SAMD12: variants seen among roughly 807,000 people sequenced by gnomAD.
SAMD12 encodes sterile alpha motif domain containing 12, also known as sterile alpha motif domain-containing protein 12.
Under a neutral mutation model 15.0 loss-of-function variants are expected in SAMD12, and 9 were observed. The observed-to-expected ratio is 0.60, with a 90% CI of 0.36 to 1.05. The LOEUF is 1.05. Ranked by LOEUF, SAMD12 falls within the 50% of genes least tolerant of loss-of-function variation. SAMD12 has a pLI of 0.01. For synonymous variants in SAMD12, 86 were observed against 90.1 expected, an observed-to-expected ratio of 0.96 and a Z score of 0.25; for missense variants, 230 against 234.2, an observed-to-expected ratio of 0.98 and a Z score of 0.12.
chr8:118,542,504 G>A (rs1029493997), intron 2 of SAMD12, among the ~76,000 whole-genome samples: 9 of 152,262 alleles, frequency 5.9e-5, no homozygotes, highest in Admixed American at 1.3e-4. Flanking sequence ...AAGGGAATGT[G>A]GTTCTAAGGG....
At chr8:118,467,308 CT>C (rs1823622139) in intron 2 of SAMD12, among the ~76,000 whole-genome samples, 1 of 152,132 alleles carries the variant, frequency 6.6e-6, no homozygotes, top group East Asian at 1.9e-4. Flanking sequence ...CCTCTGTTAC[CT>C]TTGTAAAATG....
At chr8:118,177,766 G>A in the SAMD12 span, among the ~76,000 whole-genome samples, 8 of 152,148 alleles carry the variant, frequency 5.3e-5, no homozygotes, top group Non-Finnish European at 8.8e-5. Context: ...GATGCCATTA[G>A]AAATTAAAAA....
intron 2 of SAMD12, among the ~76,000 whole-genome samples, chr8:118,490,403 A>G (rs1283462832): frequency 6.6e-6 from 1 of 152,318 alleles, no homozygotes; most frequent in East Asian, 1.9e-4. Flanking sequence ...CTTCATTTTT[A>G]TCATCTTCAT....
chr8:118,142,886 T>C, the SAMD12 span, among the ~76,000 whole-genome samples: 8 of 152,230 alleles, frequency 5.3e-5, no homozygotes, highest in Non-Finnish European at 8.8e-5. Context: ...TGTTTAGACT[T>C]GGTTTGCCTA....
At chr8:118,554,845 C>G (rs544241301) in intron 2 of SAMD12, among the ~76,000 whole-genome samples, 2 of 152,244 alleles carry the variant, frequency 1.3e-5, no homozygotes, top group African/African-American at 4.8e-5. Flanking sequence ...GAAATCCTGC[C>G]TGAGTTTCCA....
At chr8:118,256,028 C>T (rs1374654336) in intron 4 of SAMD12, among the ~76,000 whole-genome samples, 2 of 152,124 alleles carry the variant, frequency 1.3e-5, no homozygotes. Context: ...TGTTTCCTGA[C>T]TTTTTAATCA....
At chr8:118,405,786 G>A (rs1179314960) in intron 3 of SAMD12, among the ~76,000 whole-genome samples, 1 of 152,092 alleles carries the variant, frequency 6.6e-6, no homozygotes, top group Non-Finnish European at 1.5e-5. Flanking sequence ...AACCCCTTTG[G>A]GTCCTTGCCA....
the SAMD12 span, among the ~76,000 whole-genome samples, chr8:118,133,266 C>T: frequency 6.6e-6 from 1 of 151,660 alleles, no homozygotes; most frequent in Non-Finnish European, 1.5e-5. Context: ...TTTCCCCTTT[C>T]TCTTCTGCTT....
At chr8:118,510,396 C>A (rs115674369) in intron 2 of SAMD12, among the ~76,000 whole-genome samples, 1 of 152,006 alleles carries the variant, frequency 6.6e-6, no homozygotes, top group Admixed American at 6.6e-5. Context: ...TTTAATTGTT[C>A]GGGACCACAA....
chr8:118,163,650 C>T, the SAMD12 span, among the ~76,000 whole-genome samples: 10 of 151,216 alleles, frequency 6.6e-5, no homozygotes, highest in East Asian at 9.8e-4. Flanking sequence ...CCGAGGCGGG[C>T]GGATCACGAG....
intron 2 of SAMD12, among the ~76,000 whole-genome samples, chr8:118,575,948 C>A (rs113717235): frequency 0.01 from 1,590 of 151,994 alleles, 30 homozygotes; most frequent in African/African-American, 0.036. Context: ...ATCATCAGAG[C>A]ATTTGGGAAC....
At chr8:118,406,687 A>G (rs1287733108) in intron 3 of SAMD12, among the ~76,000 whole-genome samples, 3 of 152,134 alleles carry the variant, frequency 2.0e-5, no homozygotes, top group African/African-American at 7.2e-5. Context: ...TGCCCACTGG[A>G]TAACAACTCC....
At chr8:118,253,224 G>A (rs1393669459) in intron 4 of SAMD12, among the ~76,000 whole-genome samples, 1 of 152,148 alleles carries the variant, frequency 6.6e-6, no homozygotes, top group East Asian at 1.9e-4. Flanking sequence ...GCATTTCAAT[G>A]AGAAACTCGC....
At chr8:118,550,488 T>C (rs1826292029) in intron 2 of SAMD12, among the ~76,000 whole-genome samples, 1 of 152,198 alleles carries the variant, frequency 6.6e-6, no homozygotes, top group Non-Finnish European at 1.5e-5. Flanking sequence ...TGAGAGATTT[T>C]GTCACCAGCA....
At chr8:118,500,543 C>T (rs547689351) in intron 2 of SAMD12, among the ~76,000 whole-genome samples, 2 of 152,040 alleles carry the variant, frequency 1.3e-5, no homozygotes, top group South Asian at 2.1e-4. Flanking sequence ...CAGTGGCTCA[C>T]GCCTGTAATC....
At chr8:118,210,693 A>G (rs1819997094) in intron 4 of SAMD12, among the ~76,000 whole-genome samples, 1 of 152,170 alleles carries the variant, frequency 6.6e-6, no homozygotes, top group Non-Finnish European at 1.5e-5. Flanking sequence ...CAGACACAGA[A>G]ATGGATTAAA....
intron 2 of SAMD12, among the ~76,000 whole-genome samples, chr8:118,515,360 G>A (rs371493144): frequency 3.3e-5 from 5 of 151,712 alleles, no homozygotes; most frequent in Admixed American, 6.6e-5. Context: ...CGTAAGATGC[G>A]TCTGCTTCCA....
At chr8:118,555,753 T>C (rs1349758117) in intron 2 of SAMD12, among the ~76,000 whole-genome samples, 7 of 152,242 alleles carry the variant, frequency 4.6e-5, no homozygotes, top group Admixed American at 4.6e-4. Context: ...CTCTGTTGTA[T>C]GTTTATCATT....
intron 4 of SAMD12, among the ~76,000 whole-genome samples, chr8:118,252,661 T>A (rs1812846531): frequency 6.6e-6 from 1 of 152,092 alleles, no homozygotes; most frequent in African/African-American, 2.4e-5. Flanking sequence ...TTTTCCTTCC[T>A]CTTTCTCTTT....
Sources: gnomAD v4.1 joint callset for allele counts (sites outside exome capture counted in the v4.1 genomes callset) on GRCh38, gnomAD v4.1.1 for gene constraint, MANE v1.5 for transcripts, NCBI Gene and HGNC (gene_info 2026-07-23, HGNC 2026-07-21) for gene names.